The following RNF121 variants were observed in gnomAD, a reference collection of about 807,000 sequenced individuals.
RNF121 encodes ring finger protein 121.
In RNF121, 21 loss-of-function variants were observed where a neutral mutation model predicts 46.5. The ratio of observed to expected loss-of-function variants is 0.45; its 90% CI spans 0.32 to 0.65. The LOEUF (loss-of-function observed/expected upper bound fraction) is 0.65, where lower values mean the gene tolerates loss of function less well. Among genes scored for constraint, RNF121 ranks in the 30% least tolerant of loss-of-function variants. The probability of loss-of-function intolerance (pLI) is 0.04; values close to 1 mark genes in which losing one functional copy is unlikely to be tolerated. For missense variants in RNF121, 346 were observed against 416.0 expected (o/e 0.83, Z 1.46); for synonymous variants, 139 against 144.7 (o/e 0.96, Z 0.28).
At chr11:71,937,628 T>C (rs1161342462) in intron 1 of RNF121, among the ~76,000 whole-genome samples, 1 of 152,254 alleles carries the variant, frequency 6.6e-6, no homozygotes, top group Non-Finnish European at 1.5e-5. Context: ...AATGCCTCTA[T>C]TGGAGTGTCC....
chr11:71,996,201 G>A lies in RNF121; in HGVS notation c.870G>A (p.Glu290=). ...TTCTTTAACACACTGACAGCTGGGA[G>A]AGGCCTCACGTCATGTATGGGCAAC... ...DLKRMFSNPW[E]RPHVMYGQLL... Residue 290 remains glutamate (E), a synonymous_variant, in exon 9 of 9, where the codon GAG becomes GAA. Transcript: ENST00000361756. The A allele has an allele frequency of 3.7e-6, 6 of 1,614,100 alleles. No homozygotes were observed. Among genetic ancestry groups the A allele is most frequent in the Non-Finnish European group, 5.1e-6 (6 of 1,179,976 alleles).
intron 3 of RNF121, among the ~76,000 whole-genome samples, chr11:71,961,835 G>A (rs562733060): frequency 3.3e-5 from 5 of 152,358 alleles, no homozygotes; most frequent in Non-Finnish European, 7.3e-5. Context: ...ACCTATTGAG[G>A]AGGCTGAGGT....
chr11:71,965,688 A>G (rs1954260062), intron 3 of RNF121, among the ~76,000 whole-genome samples: 1 of 152,260 alleles, frequency 6.6e-6, no homozygotes, highest in African/African-American at 2.4e-5. Context: ...CTGTGCAAGC[A>G]GTTTTATAGA....
intron 2 of RNF121, among the ~76,000 whole-genome samples, chr11:71,959,696 T>G (rs1226159311): frequency 6.6e-6 from 1 of 151,492 alleles, no homozygotes; most frequent in African/African-American, 2.4e-5. Context: ...AGTGCAGTGT[T>G]GCGATCTTGG....
At chr11:71,952,852 G>GCT (rs1953915496) in intron 1 of RNF121, among the ~76,000 whole-genome samples, 1 of 152,054 alleles carries the variant, frequency 6.6e-6, no homozygotes, top group Admixed American at 6.6e-5. Context: ...ATTAAATCAA[G>GCT]CTAGTAACTT....
intron 6 of RNF121, among the ~76,000 whole-genome samples, chr11:71,993,041 C>G (rs1411023159): frequency 1.3e-5 from 2 of 152,204 alleles, no homozygotes; most frequent in East Asian, 3.9e-4. Flanking sequence ...CCCTCAGTAT[C>G]ATGGGAATAT....
At chr11:71,963,681 TTG>T (rs1954198078) in intron 3 of RNF121, among the ~76,000 whole-genome samples, 1 of 152,210 alleles carries the variant, frequency 6.6e-6, no homozygotes, top group Admixed American at 6.5e-5. Flanking sequence ...TTTTGAGTTT[TTG>T]TAAATGGTGT....
intron 1 of RNF121, among the ~76,000 whole-genome samples, chr11:71,945,806 AT>A (rs1953700492): frequency 1.3e-5 from 2 of 151,702 alleles, no homozygotes; most frequent in African/African-American, 4.8e-5. Flanking sequence ...AATAAAAAAA[AT>A]AACCTAGTAA....
At chr11:71,930,843 T>A (rs1286492371) in intron 1 of RNF121, among the ~76,000 whole-genome samples, 1 of 152,198 alleles carries the variant, frequency 6.6e-6, no homozygotes, top group Admixed American at 6.5e-5. Context: ...ATTTTCTTTT[T>A]TTATTTGAGA....
At chr11:71,956,039 C>T (rs1213949448) in intron 1 of RNF121, among the ~76,000 whole-genome samples, 1 of 152,232 alleles carries the variant, frequency 6.6e-6, no homozygotes, top group Admixed American at 6.5e-5. Flanking sequence ...TTCCAGTACA[C>T]ATACATAAAG....
intron 2 of RNF121, among the ~76,000 whole-genome samples, chr11:71,959,819 A>G (rs1954086338): frequency 6.6e-6 from 1 of 152,084 alleles, no homozygotes; most frequent in Admixed American, 6.5e-5. Flanking sequence ...TATTTTTAGT[A>G]GAGACGGGGT....
chr11:71,934,225 G>A (rs746224448), intron 1 of RNF121, among the ~76,000 whole-genome samples: 1 of 152,216 alleles, frequency 6.6e-6, no homozygotes, highest in Non-Finnish European at 1.5e-5. Flanking sequence ...CTTCTGAAAC[G>A]TCTGTGTGCC....
chr11:71,943,243 TAATC>T (rs1301702114), intron 1 of RNF121, among the ~76,000 whole-genome samples: 2 of 152,130 alleles, frequency 1.3e-5, no homozygotes, highest in Non-Finnish European at 2.9e-5. Context: ...GGAAAGAAAA[TAATC>T]AAGCTTGCTT....
chr11:71,993,031 C>A (rs1954895267), intron 6 of RNF121, among the ~76,000 whole-genome samples: 2 of 152,042 alleles, frequency 1.3e-5, no homozygotes, highest in African/African-American at 4.8e-5. Flanking sequence ...GGGACTTTGT[C>A]CCTCAGTATC....
rs1257861234 is a variant in RNF121, at chr11:71,986,585, GTGAAA to G, written c.399-418_399-414del. Among the ~76,000 whole-genome samples the G allele has an allele frequency of 3.9e-5, 6 of 152,012 alleles. No individual in the cohort carries two copies. In the East Asian group the frequency reaches 1.2e-3, roughly 29 times the overall value. On this transcript the variant is annotated intron_variant, in intron 4 of 8. Transcript: ENST00000361756. ...ATTCGAGACCAGCCTGGCCAATATG[GTGAAA>G]CCCCGTCTCTACTAAAAAAAATATA...
intron 6 of RNF121, among the ~76,000 whole-genome samples, chr11:71,992,832 CTATT>C (rs1954889956): frequency 4.0e-5 from 1 of 25,246 alleles, no homozygotes; most frequent in Non-Finnish European, 2.7e-4. Context: ...GTAAATATTT[CTATT>C]TTTTTTTTCA....
At chr11:71,994,953 A>G in intron 7 of RNF121, 101 bp downstream of exon 7, 3 of 1,504,586 alleles carry the variant, frequency 2.0e-6, no homozygotes, top group Non-Finnish European at 1.8e-6. Flanking sequence ...TGCTGTCCAG[A>G]CCCTTGAGTG....
Position 71,996,479 on chromosome 11 carries a change from C to A in RNF121, c.*164C>A. ...GACTGGGGAGGGATATGATGGAGAG[C>A]CAGCCAGTGGGGCTGTCAGCAGTGG... On this transcript the variant is annotated 3_prime_UTR_variant, in exon 9 of 9. Transcript: ENST00000361756. 1.4e-6 allele frequency: 1 copy of A among 722,902 alleles called. No homozygotes were observed. The highest frequency in any genetic ancestry group is 2.2e-6 in the Non-Finnish European group (1 of 456,892). 44.8% of individuals were successfully genotyped at this position (722,902 alleles called of 1,614,324 possible). A position where few individuals can be genotyped will look rare whatever the true frequency, so the allele number is the denominator to read the frequency against.
intron 3 of RNF121, among the ~76,000 whole-genome samples, chr11:71,980,539 G>A (rs557460844): frequency 2.0e-4 from 30 of 152,098 alleles, no homozygotes; most frequent in Non-Finnish European, 2.5e-4. Context: ...TAGAGACGGG[G>A]TTTCACCATG....
Sources: gnomAD v4.1 joint callset for allele counts (sites outside exome capture counted in the v4.1 genomes callset) on GRCh38, gnomAD v4.1.1 for gene constraint, MANE v1.5 for transcripts, NCBI Gene and HGNC (gene_info 2026-07-23, HGNC 2026-07-21) for gene names.